POU2F1: variants seen among roughly 807,000 people sequenced by gnomAD.
POU2F1 encodes the protein POU class 2 homeobox 1, also known as POU domain, class 2, transcription factor 1.
POU2F1 carries 16 observed loss-of-function variants against 84.9 expected under a neutral mutation model. That is an observed-to-expected ratio of 0.19 (90% CI 0.13 to 0.29). The LOEUF is 0.29. Among genes scored for constraint, POU2F1 ranks in the 10% least tolerant of loss-of-function variants. The pLI is 1.00. For synonymous variants in POU2F1, 368 were observed against 368.3 expected (o/e 1.00, Z 0.01); for missense variants, 738 against 942.6 (o/e 0.78, Z 2.84).
rs142378150 is a variant in POU2F1, at chr1:167,389,600, A to G, written c.826A>G (p.Thr276Ala). The part of the protein sequence containing the change: ...ITLTSQPATP[T>A]RTIAATPIQT... The stretch of plus-strand genomic sequence containing the variant: ...CTTTCTCCAACAGCCAGCAACCCCA[A>G]CACGCACAATAGCAGCAACCCCAAT... The change falls in exon 9 of 16, where the codon ACA becomes GCA. Residue 276 changes from threonine (T) to alanine (A), a missense_variant. Transcript: ENST00000367866. The G allele has an allele frequency of 3.0e-3, 4,886 of 1,614,126 alleles. 13 individuals are homozygous for G. The highest frequency in any genetic ancestry group is 3.6e-3 in the Non-Finnish European group (4,236 of 1,180,012).
chr1:167,353,063 G>C (rs1165299729), intron 2 of POU2F1, among the ~76,000 whole-genome samples: 1 of 152,168 alleles, frequency 6.6e-6, no homozygotes, highest in Non-Finnish European at 1.5e-5. Flanking sequence ...GAGAAAAACA[G>C]AACTTTCTGG....
chr1:167,372,039 A>C lies in POU2F1; in HGVS notation c.402+3A>C, dbSNP rs779315305. On this transcript the variant is annotated splice_donor_region_variant and intron_variant, in intron 5 of 15. Transcript: ENST00000367866. ...TAGCTGGAGGACAGATAACTGGGGTAAGTGTTCACTGAGAGAATTATAACA... is the reference window on the plus strand; with the variant it reads ...TAGCTGGAGGACAGATAACTGGGGTCAGTGTTCACTGAGAGAATTATAACA... 3.7e-6 allele frequency: 6 copies of C among 1,609,828 alleles called. No homozygotes were observed. The highest frequency in any genetic ancestry group is 5.1e-6 in the Non-Finnish European group (6 of 1,178,302).
chr1:167,225,588 A>G (rs1172327681), intron 1 of POU2F1, among the ~76,000 whole-genome samples: 2 of 152,228 alleles, frequency 1.3e-5, no homozygotes, highest in African/African-American at 4.8e-5. Context: ...TGTTTAATAG[A>G]CCCTTGAATA....
intron 2 of POU2F1, among the ~76,000 whole-genome samples, chr1:167,359,279 G>T (rs1659193609): frequency 6.6e-6 from 1 of 152,060 alleles, no homozygotes; most frequent in Non-Finnish European, 1.5e-5. Flanking sequence ...TGAGGTTTGG[G>T]ATTCTAATGA....
intron 1 of POU2F1, among the ~76,000 whole-genome samples, chr1:167,311,172 AT>A (rs1027443900): frequency 8.5e-5 from 13 of 152,300 alleles, no homozygotes; most frequent in African/African-American, 3.1e-4. Context: ...AAACAAAAAA[AT>A]CTCCAAGATA....
At chr1:167,402,039 A>G (rs577952077) in intron 13 of POU2F1, among the ~76,000 whole-genome samples, 19 of 152,338 alleles carry the variant, frequency 1.2e-4, no homozygotes, top group African/African-American at 4.6e-4. Context: ...GTCTTTCCCA[A>G]TAGACTGCAC....
intron 2 of POU2F1, among the ~76,000 whole-genome samples, chr1:167,349,638 CTG>C (rs1370097514): frequency 6.6e-6 from 1 of 152,134 alleles, no homozygotes; most frequent in Non-Finnish European, 1.5e-5. Flanking sequence ...AGAGCAGTGA[CTG>C]TGGTGTATTC....
At chr1:167,380,813 G>T (rs1647480623) in intron 7 of POU2F1, 6 of 152,082 alleles carry the variant, frequency 3.9e-5, no homozygotes, top group Admixed American at 3.9e-4. Flanking sequence ...TGGTAATATT[G>T]CTATGATTAT....
Position 167,401,338 on chromosome 1 carries a change from A to G in POU2F1, c.1450-113A>G, listed in dbSNP as rs573708287. The G allele has an allele frequency of 1.3e-4, 85 of 630,286 alleles. No individual in the cohort carries two copies. The African/African-American group carries it at 1.4e-3, about 10-fold the overall frequency. 39.0% of individuals were successfully genotyped at this position (630,286 alleles called of 1,614,324 possible). ...AACCATCTTCGAATAGCAGCTTTCC[A>G]ACATAGGATGTCAGGTGTCTCAATT... On this transcript the variant is annotated intron_variant, in intron 12 of 15. Transcript: ENST00000367866.
intron 1 of POU2F1, among the ~76,000 whole-genome samples, chr1:167,311,360 C>A (rs1655457160): frequency 6.6e-6 from 1 of 152,014 alleles, no homozygotes. Flanking sequence ...CAGACTCCCC[C>A]AAATCTGTAT....
At chr1:167,227,194 G>A (rs1648701184) in intron 1 of POU2F1, among the ~76,000 whole-genome samples, 1 of 152,144 alleles carries the variant, frequency 6.6e-6, no homozygotes, top group Non-Finnish European at 1.5e-5. Flanking sequence ...CTAAGTGTTT[G>A]TAGTAGCTTT....
intron 9 of POU2F1, among the ~76,000 whole-genome samples, chr1:167,395,833 C>T (rs897408446): frequency 2.6e-5 from 4 of 152,124 alleles, no homozygotes; most frequent in Non-Finnish European, 5.9e-5. Context: ...ATCCTGGGCT[C>T]AAGCATTCCA....
At chr1:167,359,850 GTT>G (rs35501138) in intron 2 of POU2F1, among the ~76,000 whole-genome samples, 136 of 128,888 alleles carry the variant, frequency 1.1e-3, no homozygotes, top group South Asian at 3.6e-3. Flanking sequence ...TTGTGGGTTT[GTT>G]TTTTTTTTTT....
intron 13 of POU2F1, among the ~76,000 whole-genome samples, chr1:167,403,881 T>A (rs1649374122): frequency 6.6e-6 from 1 of 152,220 alleles, no homozygotes; most frequent in Non-Finnish European, 1.5e-5. Context: ...CATGTATAAC[T>A]GAGAAGTATT....
intron 1 of POU2F1, among the ~76,000 whole-genome samples, chr1:167,242,729 T>G (rs1403978745): frequency 6.6e-6 from 1 of 152,212 alleles, no homozygotes; most frequent in South Asian, 2.1e-4. Flanking sequence ...ACTAGCAAAG[T>G]AACAAGAAAT....
At chr1:167,403,826 T>C (rs1649369512) in intron 13 of POU2F1, among the ~76,000 whole-genome samples, 1 of 152,228 alleles carries the variant, frequency 6.6e-6, no homozygotes, top group South Asian at 2.1e-4. Context: ...CGTTCTCAAG[T>C]AATTTTATTT....
At chr1:167,276,161 A>G (rs1652714161) in intron 1 of POU2F1, among the ~76,000 whole-genome samples, 1 of 152,230 alleles carries the variant, frequency 6.6e-6, no homozygotes, top group South Asian at 2.1e-4. Flanking sequence ...GAGTAGTGAG[A>G]TGAAATCTCA....
rs1449276914 is a variant in POU2F1 at position 167,416,243 on chromosome 1, T to G, written c.*433T>G. ...TTCTTGTTTGTCTAAATTTCTTTTT[T>G]TCTTAAAAAAAAAAAATCATTTTTA... On this transcript the variant is annotated 3_prime_UTR_variant, in exon 16 of 16. Transcript: ENST00000367866. 6.5e-6 allele frequency: 2 copies of G among 309,282 alleles called. No individual in the cohort carries two copies. Among genetic ancestry groups the G allele is most frequent in the Non-Finnish European group, 1.2e-5 (2 of 162,612 alleles). The allele number at this position is 309,282 out of a possible 1,614,324, so 19.2% of individuals were successfully genotyped here.
At chr1:167,259,538 A>G (rs1045160537) in intron 1 of POU2F1, among the ~76,000 whole-genome samples, 5 of 152,250 alleles carry the variant, frequency 3.3e-5, no homozygotes, top group African/African-American at 9.6e-5. Flanking sequence ...AATCCAGTAT[A>G]TATCTCCCTG....
Sources: allele counts gnomAD v4.1 joint callset (sites outside exome capture counted in the v4.1 genomes callset), GRCh38; gene constraint gnomAD v4.1.1; transcripts MANE v1.5; gene names NCBI Gene and HGNC (gene_info 2026-07-23, HGNC 2026-07-21).